Variants in SLC35F3 observed in about 807,000 individuals in gnomAD.
SLC35F3 encodes the protein solute carrier family 35 member F3, also known as putative thiamine transporter SLC35F3.
Under a neutral mutation model 49.9 loss-of-function variants are expected in SLC35F3, and 25 were observed. The observed-to-expected ratio is 0.50, with a 90% CI of 0.37 to 0.70. The LOEUF (loss-of-function observed/expected upper bound fraction) is 0.70, where lower values mean the gene tolerates loss of function less well. Among genes scored for constraint, SLC35F3 ranks in the 30% least tolerant of loss-of-function variants. The pLI is 0.00. For missense variants in SLC35F3, 525 were observed against 639.8 expected (o/e 0.82, Z 1.94); for synonymous variants, 275 against 265.4 (o/e 1.04, Z -0.35).
chr1:234,125,939 T>C (rs994654212), intron 2 of SLC35F3, among the ~76,000 whole-genome samples: 1 of 152,154 alleles, frequency 6.6e-6, no homozygotes, highest in Admixed American at 6.5e-5. Context: ...GTCTCTGCAG[T>C]TCTGTGCTTC....
intron 2 of SLC35F3, among the ~76,000 whole-genome samples, chr1:234,029,228 G>A: frequency 6.6e-6 from 1 of 152,172 alleles, no homozygotes; most frequent in Non-Finnish European, 1.5e-5. Context: ...AGAGGCAACA[G>A]AGAGACGATG....
chr1:234,221,244 G>A (rs539934950), intron 2 of SLC35F3, among the ~76,000 whole-genome samples: 39 of 152,226 alleles, frequency 2.6e-4, no homozygotes, highest in South Asian at 1.7e-3. Flanking sequence ...GACAGTGAGG[G>A]AAGTTTGAGA....
At chr1:234,077,037 G>A (rs1458869281) in intron 2 of SLC35F3, among the ~76,000 whole-genome samples, 12 of 132,158 alleles carry the variant, frequency 9.1e-5, no homozygotes, top group African/African-American at 1.7e-4. Flanking sequence ...TCGCTCTGTC[G>A]CCCAGGCCGG....
intron 2 of SLC35F3, among the ~76,000 whole-genome samples, chr1:234,107,060 G>A (rs1234637340): frequency 4.6e-5 from 7 of 152,162 alleles, no homozygotes; most frequent in African/African-American, 1.4e-4. Flanking sequence ...ACATTCTCTA[G>A]TATGTGGGTC....
At chr1:233,952,402 G>A (rs978881083) in intron 2 of SLC35F3, among the ~76,000 whole-genome samples, 2 of 152,164 alleles carry the variant, frequency 1.3e-5, no homozygotes, top group African/African-American at 4.8e-5. Context: ...TGTGGGCTGT[G>A]CTCCAATATA....
intron 2 of SLC35F3, among the ~76,000 whole-genome samples, chr1:233,936,874 TA>T (rs1662342650): frequency 6.6e-6 from 1 of 152,138 alleles, no homozygotes; most frequent in African/African-American, 2.4e-5. Context: ...AAATGTTTTG[TA>T]GAGACGGGGC....
intron 2 of SLC35F3, among the ~76,000 whole-genome samples, chr1:233,932,528 G>T (rs1451870940): frequency 6.6e-6 from 1 of 152,112 alleles, no homozygotes; most frequent in Non-Finnish European, 1.5e-5. Flanking sequence ...TTCTTTCTGG[G>T]GTGGCAGAAA....
At chr1:234,292,688 G>A (rs992683078) in intron 3 of SLC35F3, among the ~76,000 whole-genome samples, 4 of 152,122 alleles carry the variant, frequency 2.6e-5, no homozygotes, top group African/African-American at 9.7e-5. Flanking sequence ...TAATATGCTC[G>A]GTGAGAAGCT....
intron 5 of SLC35F3, among the ~76,000 whole-genome samples, chr1:234,317,954 G>T (rs117548778): frequency 6.0e-4 from 92 of 152,366 alleles, no homozygotes; most frequent in Middle Eastern, 3.4e-3. Context: ...CTAGGTGAGA[G>T]GCTGAAAGCC....
chr1:234,166,933 C>T (rs1021475346), intron 2 of SLC35F3, among the ~76,000 whole-genome samples: 10 of 152,186 alleles, frequency 6.6e-5, no homozygotes, highest in African/African-American at 1.2e-4. Flanking sequence ...TGTCATTCCA[C>T]GCCCTAAGGG....
At chr1:234,040,562 C>A (rs545717115) in intron 2 of SLC35F3, among the ~76,000 whole-genome samples, 1 of 152,268 alleles carries the variant, frequency 6.6e-6, no homozygotes, top group South Asian at 2.1e-4. Flanking sequence ...CCCACACAAG[C>A]ATCCACACTG....
intron 3 of SLC35F3, 72 bp from the exon 4 acceptor site, chr1:234,309,029 C>G: frequency 1.1e-6 from 1 of 948,986 alleles, no homozygotes; most frequent in Non-Finnish European, 1.5e-6. Context: ...AAAAAAAAAA[C>G]TTGCTATAGG....
chr1:234,229,630 C>A (rs1275986325), intron 2 of SLC35F3, among the ~76,000 whole-genome samples: 1 of 152,162 alleles, frequency 6.6e-6, no homozygotes, highest in African/African-American at 2.4e-5. Context: ...TGTGAAGCTG[C>A]ATTTTATTTT....
intron 2 of SLC35F3, among the ~76,000 whole-genome samples, chr1:233,991,176 A>G (rs1663349371): frequency 6.6e-6 from 1 of 152,130 alleles, no homozygotes; most frequent in Non-Finnish European, 1.5e-5. Context: ...TGCAGGTAGT[A>G]CTCCAGAAAG....
intron 2 of SLC35F3, among the ~76,000 whole-genome samples, chr1:233,932,963 G>A (rs1042145398): frequency 1.3e-5 from 2 of 150,292 alleles, no homozygotes; most frequent in African/African-American, 4.9e-5. Context: ...ACTGATTTAG[G>A]TGCTGCTTTA....
intron 2 of SLC35F3, among the ~76,000 whole-genome samples, chr1:234,082,046 C>T (rs979745728): frequency 2.6e-5 from 4 of 151,144 alleles, no homozygotes; most frequent in Admixed American, 6.6e-5. Context: ...TGAGCCACTG[C>T]GCCCAGCCCA....
intron 2 of SLC35F3, among the ~76,000 whole-genome samples, chr1:234,216,120 T>C (rs1189309758): frequency 1.3e-5 from 2 of 152,214 alleles, no homozygotes; most frequent in African/African-American, 2.4e-5. Context: ...TTTGTATTTC[T>C]AAGCCTACCC....
At chr1:234,164,097 TC>T (rs1666274579) in intron 2 of SLC35F3, among the ~76,000 whole-genome samples, 1 of 151,484 alleles carries the variant, frequency 6.6e-6, no homozygotes, top group African/African-American at 2.4e-5. Flanking sequence ...TCTCCCTCTC[TC>T]TCTTTCTCTC....
intron 3 of SLC35F3, among the ~76,000 whole-genome samples, chr1:234,254,768 A>C (rs533420588): frequency 6.6e-6 from 1 of 152,254 alleles, no homozygotes; most frequent in South Asian, 2.1e-4. Flanking sequence ...ATTATTAACC[A>C]GTTTGTAAGC....
Sources: gnomAD v4.1 joint callset for allele counts (sites outside exome capture counted in the v4.1 genomes callset) on GRCh38, gnomAD v4.1.1 for gene constraint, MANE v1.5 for transcripts, NCBI Gene and HGNC (gene_info 2026-07-23, HGNC 2026-07-21) for gene names.